ENTPD3: variants seen among roughly 807,000 people sequenced by gnomAD.
ENTPD3 encodes the protein CD39 antigen-like 3.
ENTPD3 carries 60 observed loss-of-function variants against 51.2 expected under a neutral mutation model. The ratio of observed to expected loss-of-function variants is 1.17; its 90% confidence interval spans 0.95 to 1.45. The LOEUF (loss-of-function observed/expected upper bound fraction) is 1.45, where lower values mean the gene tolerates loss of function less well. Ranked by LOEUF, ENTPD3 falls within the 40% of genes most tolerant of loss-of-function variation. ENTPD3 has a pLI of 0.00. For missense variants in ENTPD3, 593 were observed against 641.1 expected (o/e 0.93, Z 0.81); for synonymous variants, 221 against 238.4 (o/e 0.93, Z 0.67).
At chr3:40,420,165 A>T (rs922572958) in intron 7 of ENTPD3, among the ~76,000 whole-genome samples, 36 of 152,210 alleles carry the variant, frequency 2.4e-4, no homozygotes, top group Admixed American at 1.3e-4. Context: ...AAAGAAAAAA[A>T]GTACAAATCA....
chr3:40,419,554 T>C (rs893158171), intron 7 of ENTPD3, among the ~76,000 whole-genome samples: 3 of 152,226 alleles, frequency 2.0e-5, no homozygotes, highest in Admixed American at 2.0e-4. Context: ...TTTGTTGAGA[T>C]TGTGATTGCA....
chr3:40,421,498 G>A (rs945749557), intron 7 of ENTPD3, among the ~76,000 whole-genome samples: 1 of 152,116 alleles, frequency 6.6e-6, no homozygotes, highest in East Asian at 1.9e-4. Context: ...TAGTCATATG[G>A]AAAAAGTAAA....
At chr3:40,405,652 G>T (rs1168725310) in intron 4 of ENTPD3, among the ~76,000 whole-genome samples, 1 of 152,012 alleles carries the variant, frequency 6.6e-6, no homozygotes, top group Non-Finnish European at 1.5e-5. Flanking sequence ...CTCCTCTCAT[G>T]GGACCAAGTA....
At chr3:40,410,356 G>A (rs754929294) in intron 4 of ENTPD3, among the ~76,000 whole-genome samples, 10 of 151,148 alleles carry the variant, frequency 6.6e-5, no homozygotes, top group South Asian at 6.3e-4. Context: ...CACAAGAATC[G>A]CTTGAATCTG....
At chr3:40,413,012 A>C (rs889744805) in intron 5 of ENTPD3, among the ~76,000 whole-genome samples, 2 of 152,202 alleles carry the variant, frequency 1.3e-5, no homozygotes, top group Non-Finnish European at 2.9e-5. Flanking sequence ...TTCTTCCAAA[A>C]AGGATGGAAC....
chr3:40,418,126 T>C (rs1398054518), intron 7 of ENTPD3, among the ~76,000 whole-genome samples: 1 of 152,142 alleles, frequency 6.6e-6, no homozygotes, highest in African/African-American at 2.4e-5. Context: ...GCACTGGCCA[T>C]GGAGAAGTGA....
chr3:40,422,153 C>T (rs1014284531), intron 7 of ENTPD3, among the ~76,000 whole-genome samples: 21 of 152,002 alleles, frequency 1.4e-4, no homozygotes, highest in Admixed American at 5.9e-4. Context: ...CACACACACA[C>T]ACACACCCTT....
chr3:40,422,206 G>A (rs1388368311), intron 7 of ENTPD3, among the ~76,000 whole-genome samples: 2 of 151,398 alleles, frequency 1.3e-5, no homozygotes, highest in Non-Finnish European at 2.9e-5. Flanking sequence ...TGTGATCAAA[G>A]ACATGCTGAC....
At chr3:40,410,082 CTTAA>C (rs1218654897) in intron 4 of ENTPD3, among the ~76,000 whole-genome samples, 2 of 152,074 alleles carry the variant, frequency 1.3e-5, no homozygotes, top group Non-Finnish European at 2.9e-5. Flanking sequence ...TTTAGAACTA[CTTAA>C]TTATTTTAGT....
Position 40,423,408 on chromosome 3 carries a change from A to AT in ENTPD3, c.1215+10dup, listed in dbSNP as rs759995737. ...CTCACAGAATTGGAGTCAGGTCAGT[A>AT]TTTAAAGAGAAGGGATCAATGTCAG... On this transcript the variant is annotated splice_region_variant and intron_variant, in intron 9 of 10. Coordinates refer to ENST00000301825, the MANE Select transcript of ENTPD3 (RefSeq NM_001248.4). 6.3e-7 allele frequency: 1 copy of AT among 1,578,112 alleles called. No homozygotes were observed. The highest frequency in any genetic ancestry group is 2.2e-5 in the East Asian group (1 of 44,698).
chr3:40,420,571 G>C (rs911173846), intron 7 of ENTPD3, among the ~76,000 whole-genome samples: 5 of 151,998 alleles, frequency 3.3e-5, no homozygotes, highest in African/African-American at 4.8e-5. Context: ...TTCAGCCATA[G>C]GGTGACCCAA....
At chr3:40,405,077 A>T (rs1451358921) in intron 4 of ENTPD3, among the ~76,000 whole-genome samples, 1 of 152,096 alleles carries the variant, frequency 6.6e-6, no homozygotes, top group Non-Finnish European at 1.5e-5. Flanking sequence ...CCCACAAGGG[A>T]CATTCATAAT....
Position 40,401,007 on chromosome 3 carries a change from G to A in ENTPD3, c.282G>A (p.Val94=), listed in dbSNP as rs1955343235. 6.2e-7 allele frequency: 1 copy of A among 1,609,302 alleles called. No homozygotes were observed. The highest frequency in any genetic ancestry group is 1.7e-5 in the Admixed American group (1 of 59,994). Reference sequence around the variant, plus strand: ...TCAGTCAAACCTTCAAATGTAGTGTGAAAGGTAAGGACTGAAGTGTGTCTG... The same window carrying A: ...TCAGTCAAACCTTCAAATGTAGTGTAAAAGGTAAGGACTGAAGTGTGTCTG... ...GVVSQTFKCS[V]KGSGISSYGN... The change falls in exon 4 of 11, where the codon GTG becomes GTA. Residue 94 remains valine (V), a synonymous_variant. Transcript: ENST00000301825.
chr3:40,414,728 G>C lies in ENTPD3; in HGVS notation c.485G>C (p.Ser162Thr). 6.2e-7 allele frequency: 1 copy of C among 1,614,060 alleles called. No homozygotes were observed. The highest frequency in any genetic ancestry group is 8.5e-7 in the Non-Finnish European group (1 of 1,179,966). Reference sequence around the variant, plus strand: ...AATGAAGTCCTTGAAAGCATCCAAAGCTACTTCAAGTCCCAGCCCTTTGAC... The same window carrying C: ...AATGAAGTCCTTGAAAGCATCCAAACCTACTTCAAGTCCCAGCCCTTTGAC... The part of the protein sequence containing the change: ...AANEVLESIQ[S>T]YFKSQPFDFR... The change falls in exon 6 of 11, where the codon AGC becomes ACC. Residue 162 changes from serine to threonine, a missense_variant. Ser to Thr is a moderately conservative substitution (Grantham distance 58, BLOSUM62 1). Transcript: ENST00000301825.
At position 40,403,898 on chromosome 3, in the gene ENTPD3, C is replaced by T. The variant is rs184660536; in HGVS notation, c.286+2887C>T. Among the ~76,000 whole-genome samples the T allele has an allele frequency of 2.8e-3, 425 of 152,246 alleles. 3 individuals are homozygous for T. The highest frequency in any genetic ancestry group is 4.0e-3 in the Non-Finnish European group (272 of 68,018). ...TTCTGGGCTCAAGCCATCCTCCTGC[C>T]TCAGCCTCCCAAAGTGCTGAGATTA... On this transcript the variant is annotated intron_variant, in intron 4 of 10. Transcript: ENST00000301825.
chr3:40,401,003 G>A lies in ENTPD3; in HGVS notation c.278G>A (p.Ser93Asn). 1 of 1,611,482 alleles carries A rather than the reference G, an allele frequency of 6.2e-7. No individual in the cohort carries two copies. The highest frequency in any genetic ancestry group is 8.5e-7 in the Non-Finnish European group (1 of 1,177,606). Residue 93 changes from serine (S) to asparagine (N), a missense_variant, in exon 4 of 11, where the codon AGT (serine) becomes AAT (asparagine). Physicochemically the swap from Ser to Asn is conservative, Grantham distance 46. Coordinates refer to ENST00000301825, the MANE Select transcript of ENTPD3 (RefSeq NM_001248.4). The stretch of plus-strand genomic sequence containing the variant: ...GTGGTCAGTCAAACCTTCAAATGTA[G>A]TGTGAAAGGTAAGGACTGAAGTGTG... ...TGVVSQTFKCSVKGSGISSYG... is the reference protein window; with the variant it reads ...TGVVSQTFKCNVKGSGISSYG...
Position 40,388,050 on chromosome 3 carries a change from GAGAAA to G in ENTPD3, c.-4_1del. ...CCTGTATTCTCTCACCTGCAGCTAG[GAGAAA>G]AGATGTTCACTGTGCTGACCCGCCA... is the stretch of plus-strand genomic sequence containing the variant. On this transcript the variant is annotated 5_prime_UTR_variant, in exon 2 of 11. Transcript: ENST00000301825. 22 of 1,613,892 alleles carry G rather than the reference GAGAAA, an allele frequency of 1.4e-5. No homozygotes were observed. The highest frequency in any genetic ancestry group is 1.9e-5 in the Non-Finnish European group (22 of 1,179,846).
At chr3:40,388,381 T>C (rs993474068) in intron 2 of ENTPD3, among the ~76,000 whole-genome samples, 4 of 152,176 alleles carry the variant, frequency 2.6e-5, no homozygotes, top group African/African-American at 9.6e-5. Flanking sequence ...CTTAGCTAGC[T>C]GTGTGTAACG....
intron 7 of ENTPD3, among the ~76,000 whole-genome samples, chr3:40,419,233 C>G (rs1955811298): frequency 6.6e-6 from 1 of 152,114 alleles, no homozygotes; most frequent in South Asian, 2.1e-4. Flanking sequence ...TTCTGTAGGA[C>G]AGGTTCAAAG....
Sources: allele counts gnomAD v4.1 joint callset (sites outside exome capture counted in the v4.1 genomes callset), GRCh38; gene constraint gnomAD v4.1.1; transcripts MANE v1.5; gene names NCBI Gene and HGNC (gene_info 2026-07-23, HGNC 2026-07-21).